Variants in SDK1 observed in about 807,000 individuals in gnomAD.
SDK1 encodes the protein sidekick cell adhesion molecule 1.
In SDK1, 157 loss-of-function variants were observed where a neutral mutation model predicts 245.5. The observed-to-expected ratio is 0.64, with a 90% confidence interval of 0.56 to 0.73. The LOEUF (loss-of-function observed/expected upper bound fraction) is 0.73. Ranked by LOEUF, SDK1 falls within the 30% of genes least tolerant of loss-of-function variation. The probability of loss-of-function intolerance (pLI) is 0.00; values close to 1 mark genes in which losing one functional copy is unlikely to be tolerated. For synonymous variants in SDK1, 1,647 were observed against 1,278.5 expected (o/e 1.29, Z -6.15); for missense variants, 3,583 against 3,002.3 (o/e 1.19, Z -4.52).
At chr7:3,633,117 G>T (rs1419995963) in intron 2 of SDK1, among the ~76,000 whole-genome samples, 1 of 151,802 alleles carries the variant, frequency 6.6e-6, no homozygotes, top group African/African-American at 2.4e-5. Context: ...TTTGGTCCAA[G>T]GTATGAAAGC....
At chr7:3,495,340 C>G (rs1000854232) in intron 1 of SDK1, among the ~76,000 whole-genome samples, 2 of 148,942 alleles carry the variant, frequency 1.3e-5, no homozygotes, top group East Asian at 4.0e-4. Context: ...TCATTGCAGC[C>G]TCTGCCTCTC....
chr7:4,220,422 G>A (rs1198919835), intron 39 of SDK1, 152 bp downstream of exon 39: 7 of 722,832 alleles, frequency 9.7e-6, no homozygotes, highest in South Asian at 2.0e-5. Context: ...CAACATGGAC[G>A]TCTTCAAAAG....
intron 1 of SDK1, among the ~76,000 whole-genome samples, chr7:3,389,380 G>C (rs774102219): frequency 1.8e-4 from 28 of 152,052 alleles, no homozygotes; most frequent in Non-Finnish European, 3.7e-4. Flanking sequence ...AGACAACTAC[G>C]AGACATAAAC....
At chr7:3,338,139 A>G (rs60682391) in intron 1 of SDK1, 20,374 of 211,186 alleles carry the variant, frequency 0.096, 1,268 homozygotes, top group African/African-American at 0.18. Context: ...ATGAACGACA[A>G]AGAGAAAAGG....
chr7:3,512,625 G>A (rs966755758), intron 1 of SDK1, among the ~76,000 whole-genome samples: 3 of 152,184 alleles, frequency 2.0e-5, no homozygotes, highest in African/African-American at 7.2e-5. Context: ...ACCATTTGGT[G>A]TTGTCTGGAT....
chr7:3,536,169 GC>G (rs1321567864), intron 1 of SDK1, among the ~76,000 whole-genome samples: 1 of 151,470 alleles, frequency 6.6e-6, no homozygotes, highest in Non-Finnish European at 1.5e-5. Flanking sequence ...CCATTCTCCA[GC>G]CTGAGCCTCC....
chr7:3,953,222 A>G (rs2128126091), intron 7 of SDK1, among the ~76,000 whole-genome samples: 1 of 152,266 alleles, frequency 6.6e-6, no homozygotes, highest in Admixed American at 6.5e-5. Context: ...GAAAAGGAAT[A>G]CTGCACAAAA....
chr7:3,803,548 T>G (rs1779165278), intron 4 of SDK1, among the ~76,000 whole-genome samples: 1 of 151,792 alleles, frequency 6.6e-6, no homozygotes, highest in African/African-American at 2.4e-5. Context: ...TGACCTCAAG[T>G]GACTCACCCA....
Position 3,418,295 on chromosome 7 carries a change from C to T in SDK1, c.298+116411C>T, listed in dbSNP as rs1389074002. On this transcript the variant is annotated intron_variant, in intron 1 of 44. Coordinates refer to ENST00000404826, the MANE Select transcript of SDK1 (RefSeq NM_152744.4). ...TTGCGCCATTGCACTCCAGCCTGGG[C>T]GACAGAGCGAGACTCCATCTCAGAA... is the stretch of plus-strand genomic sequence containing the variant. Among the ~76,000 whole-genome samples, 12 of 152,086 alleles carry T rather than the reference C, an allele frequency of 7.9e-5. No homozygotes were observed. In the South Asian group the frequency reaches 8.3e-4, roughly 11 times the overall value.
chr7:3,649,775 T>A (rs1782950661), intron 4 of SDK1, among the ~76,000 whole-genome samples: 1 of 152,124 alleles, frequency 6.6e-6, no homozygotes, highest in African/African-American at 2.4e-5. Context: ...GTCCACACCG[T>A]TCCACCGTGT....
intron 5 of SDK1, among the ~76,000 whole-genome samples, chr7:3,876,038 A>G (rs989160963): frequency 6.6e-6 from 1 of 152,042 alleles, no homozygotes; most frequent in East Asian, 1.9e-4. Context: ...TAGGTGGTGG[A>G]AGTATGTCAT....
chr7:4,038,293 G>C (rs1788362405), intron 17 of SDK1, among the ~76,000 whole-genome samples: 1 of 152,216 alleles, frequency 6.6e-6, no homozygotes, highest in Non-Finnish European at 1.5e-5. Context: ...CTTCCTGGCA[G>C]ATGTCTCTGT....
intron 1 of SDK1, among the ~76,000 whole-genome samples, chr7:3,468,114 ATTCAT>A (rs1372950872): frequency 6.6e-6 from 1 of 152,192 alleles, no homozygotes; most frequent in African/African-American, 2.4e-5. Flanking sequence ...GAGAGAAATC[ATTCAT>A]TTCAGTTGTG....
In SDK1 at chr7:3,774,344, C is replaced by G. The variant is rs149639510; in HGVS notation, c.714-47106C>G. ...GCCACTGGCCTCTTTGTCTGCACCT[C>G]TGTGATCAAAAGCAGCAATCAGTGA... On this transcript the variant is annotated intron_variant, in intron 4 of 44. Transcript: ENST00000404826. 4.4e-3 allele frequency among the ~76,000 whole-genome samples: 674 copies of G among 152,248 alleles called. 8 individuals are homozygous for G. The highest frequency in any genetic ancestry group is 0.016 in the African/African-American group (654 of 41,562).
At position 3,895,789 on chromosome 7, in the gene SDK1, T is replaced by C. The variant is rs6958916; in HGVS notation, c.848-55134T>C. Among the ~76,000 whole-genome samples, 880 of 152,342 alleles carry C rather than the reference T, an allele frequency of 5.8e-3. 12 individuals are homozygous for C. The highest frequency in any genetic ancestry group is 0.02 in the African/African-American group (837 of 41,572). On this transcript the variant is annotated intron_variant, in intron 5 of 44. Transcript: ENST00000404826. ...CCATTTTTATGTTGGGTCTTCATTTTCTTTCATGACAAAATATCTTCTAAT... is the reference window on the plus strand; with the variant it reads ...CCATTTTTATGTTGGGTCTTCATTTCCTTTCATGACAAAATATCTTCTAAT...
chr7:4,159,118 A>G (rs1022768132), intron 31 of SDK1, among the ~76,000 whole-genome samples: 1 of 152,228 alleles, frequency 6.6e-6, no homozygotes, highest in African/African-American at 2.4e-5. Flanking sequence ...ATGGTGGGTA[A>G]TAGCTCAGCT....
chr7:3,450,300 G>C (rs1262308160), intron 1 of SDK1, among the ~76,000 whole-genome samples: 1 of 152,190 alleles, frequency 6.6e-6, no homozygotes, highest in African/African-American at 2.4e-5. Context: ...ATAGTAAGTA[G>C]GGGAGTGGTC....
intron 5 of SDK1, among the ~76,000 whole-genome samples, chr7:3,853,104 T>C (rs1052839031): frequency 6.6e-6 from 1 of 152,080 alleles, no homozygotes; most frequent in Admixed American, 6.6e-5. Context: ...GTACGCAGGC[T>C]TCACATCCTG....
At position 3,775,662 on chromosome 7, in the gene SDK1, T is replaced by C. The variant is rs28461638; in HGVS notation, c.714-45788T>C. 4.8e-3 allele frequency among the ~76,000 whole-genome samples: 724 copies of C among 151,688 alleles called. 5 individuals are homozygous for C. The highest frequency in any genetic ancestry group is 0.017 in the African/African-American group (692 of 41,202). ...CGTAATCTCGGCTCACTCCAAGCTC[T>C]GCTTCCCGGGTTCACGCCATTCTCC... On this transcript the variant is annotated intron_variant, in intron 4 of 44. Transcript: ENST00000404826.
Sources: allele counts gnomAD v4.1 joint callset (sites outside exome capture counted in the v4.1 genomes callset), GRCh38; gene constraint gnomAD v4.1.1; transcripts MANE v1.5; gene names NCBI Gene and HGNC (gene_info 2026-07-23, HGNC 2026-07-21).